Variants in DNAH1 observed in about 807,000 individuals in gnomAD.
DNAH1 encodes axonemal beta dynein heavy chain 1.
A neutral mutation model predicts 484.3 loss-of-function variants in DNAH1; 327 were observed. The ratio of observed to expected loss-of-function variants is 0.68; its 90% CI spans 0.62 to 0.74. DNAH1 has a LOEUF of 0.74. Among genes scored for constraint, DNAH1 ranks in the 30% least tolerant of loss-of-function variants. The pLI is 0.00. For synonymous variants in DNAH1, 2,192 were observed against 2,191.9 expected (o/e 1.00, Z 0.00); for missense variants, 5,052 against 5,546.8 (o/e 0.91, Z 2.83).
chr3:52,392,537 CTGAT>C lies in DNAH1; in HGVS notation c.10128_10131del (p.Ile3377SerfsTer10). 1 of 1,613,978 alleles carries C rather than the reference CTGAT, an allele frequency of 6.2e-7. No individual in the cohort carries two copies. Among genetic ancestry groups the C allele is most frequent in the Non-Finnish European group, 8.5e-7 (1 of 1,179,880 alleles). On this transcript the variant is annotated frameshift_variant, in exon 64 of 78. Transcript: ENST00000420323. LOFTEE classifies it high-confidence loss of function. ...CGACCTGGAGGAGGCCAAGAACCAG[CTGAT>C]TATCAGTAATGCCAAGATGCGCCAG...
At chr3:52,389,838 G>A (rs577353437) in intron 60 of DNAH1, among the ~76,000 whole-genome samples, 7 of 152,358 alleles carry the variant, frequency 4.6e-5, no homozygotes, top group Admixed American at 1.3e-4. Flanking sequence ...TGGACCAGGC[G>A]TGGTGGCTCA....
At chr3:52,376,563 G>A (rs1703612424) in intron 46 of DNAH1, among the ~76,000 whole-genome samples, 2 of 152,134 alleles carry the variant, frequency 1.3e-5, no homozygotes, top group Non-Finnish European at 2.9e-5. Context: ...GCAAAGCCCA[G>A]CCTCCTCCTG....
intron 56 of DNAH1, among the ~76,000 whole-genome samples, chr3:52,387,181 C>T (rs1462562705): frequency 1.3e-5 from 2 of 152,334 alleles, no homozygotes; most frequent in African/African-American, 2.4e-5. Context: ...GTCTCCACAG[C>T]CTGGGGATTC....
intron 36 of DNAH1, 38 bp downstream of exon 36, chr3:52,366,925 C>T (rs760580937): frequency 3.8e-6 from 6 of 1,582,088 alleles, no homozygotes; most frequent in Non-Finnish European, 5.2e-6. Flanking sequence ...ACCCCCTGCT[C>T]CCAGACCTCT....
intron 46 of DNAH1, 126 bp from the exon 47 acceptor site, chr3:52,378,476 A>G: frequency 9.4e-7 from 1 of 1,067,456 alleles, no homozygotes; most frequent in Non-Finnish European, 1.4e-6. Context: ...GTGGAATCCA[A>G]GCCTGAAGGC....
chr3:52,356,085 G>C (rs2153224156), intron 21 of DNAH1, among the ~76,000 whole-genome samples: 1 of 152,320 alleles, frequency 6.6e-6, no homozygotes, highest in East Asian at 1.9e-4. Flanking sequence ...TGCGCTGATG[G>C]GAGAAGACAA....
At chr3:52,315,967 C>T (rs564788665), upstream of DNAH1, among the ~76,000 whole-genome samples, 8 of 152,318 alleles carry the variant, frequency 5.3e-5, no homozygotes, top group African/African-American at 1.9e-4. Flanking sequence ...CTGGTAAAAG[C>T]AGCACCCCCG....
At chr3:52,380,987 A>G (rs894406485) in intron 48 of DNAH1, among the ~76,000 whole-genome samples, 2 of 152,218 alleles carry the variant, frequency 1.3e-5, no homozygotes, top group African/African-American at 2.4e-5. Flanking sequence ...AGGGAGTCAT[A>G]TGAGTTATGG....
In DNAH1 at chr3:52,398,758, T is replaced by C. The variant is rs535222717; in HGVS notation, c.12090-92T>C. On this transcript the variant is annotated intron_variant, in intron 75 of 77. Transcript: ENST00000420323. ...TGCTCTTAGCCTCTATGTTTTGCCA[T>C]TGTTTTTCACTCTGTGGCCTTGAGC... 1.1e-5 allele frequency: 13 copies of C among 1,157,724 alleles called. No homozygotes were observed. In the African/African-American group the frequency reaches 1.9e-4, roughly 17 times the overall value. 71.7% of individuals were successfully genotyped at this position (1,157,724 alleles called of 1,614,324 possible).
chr3:52,346,887 T>A, intron 11 of DNAH1, 117 bp downstream of exon 11: 3 of 1,157,424 alleles, frequency 2.6e-6, no homozygotes, highest in Non-Finnish European at 3.6e-6. Context: ...TCCCAGGCAG[T>A]AAGGAGAGCC....
intron 6 of DNAH1, among the ~76,000 whole-genome samples, chr3:52,328,228 G>A (rs1418700367): frequency 6.6e-6 from 1 of 152,180 alleles, no homozygotes; most frequent in Non-Finnish European, 1.5e-5. Context: ...AGGGACAGCT[G>A]GATGGTGTCT....
intron 44 of DNAH1, chr3:52,374,067 T>A: frequency 9.8e-7 from 1 of 1,023,492 alleles, no homozygotes; most frequent in Non-Finnish European, 1.6e-6. Flanking sequence ...CTTTTAAAGC[T>A]CTTTGACAGT....
At chr3:52,391,737 A>T in intron 63 of DNAH1, 134 bp downstream of exon 63, 1 of 1,069,376 alleles carries the variant, frequency 9.4e-7, no homozygotes, top group Non-Finnish European at 1.4e-6. Flanking sequence ...CACCCCAGGC[A>T]CTCACATTCG....
At chr3:52,342,746 TA>T (rs1305466357) in intron 8 of DNAH1, among the ~76,000 whole-genome samples, 3 of 152,014 alleles carry the variant, frequency 2.0e-5, no homozygotes, top group Admixed American at 6.6e-5. Context: ...CTAGTGGGGA[TA>T]GGGGGCAAGC....
chr3:52,389,670 C>T, intron 60 of DNAH1, 84 bp downstream of exon 60: 1 of 1,255,994 alleles, frequency 8.0e-7, no homozygotes, highest in East Asian at 3.2e-5. Context: ...CTCCTTCCTA[C>T]CCTGCTTTCC....
rs1210478718 is a variant in DNAH1, at chr3:52,322,425, A to G, written c.-18A>G. On this transcript the variant is annotated 5_prime_UTR_variant, in exon 2 of 78. Transcript: ENST00000420323. ...TTCTCCTAGGAGCTTCGGCTGGGGC[A>G]TCTCCCTGAGAAGCAGCATGGAGCA... is the stretch of plus-strand genomic sequence containing the variant. 6.3e-6 allele frequency: 10 copies of G among 1,592,810 alleles called. No homozygotes were observed. The highest frequency in any genetic ancestry group is 7.7e-6 in the Non-Finnish European group (9 of 1,173,944).
At chr3:52,345,454 A>G in intron 9 of DNAH1, 41 bp from the exon 10 acceptor site, 1 of 1,532,124 alleles carries the variant, frequency 6.5e-7, no homozygotes, top group Non-Finnish European at 8.8e-7. Context: ...TGGTTTGGCC[A>G]GGCAGGGTCT....
intron 7 of DNAH1, 68 bp downstream of exon 7, chr3:52,331,377 A>G (rs753152874): frequency 3.9e-6 from 6 of 1,519,836 alleles, no homozygotes; most frequent in Non-Finnish European, 4.4e-6. Context: ...GACTGAGGCC[A>G]ACTCCGCCCA....
chr3:52,369,799 A>G, intron 37 of DNAH1, 26 bp from the exon 38 acceptor site: 1 of 1,582,258 alleles, frequency 6.3e-7, no homozygotes, highest in South Asian at 1.1e-5. Context: ...CAGCCAGCCC[A>G]CTCATTTGGT....
Sources: allele counts gnomAD v4.1 joint callset (sites outside exome capture counted in the v4.1 genomes callset), GRCh38; gene constraint gnomAD v4.1.1; transcripts MANE v1.5; gene names NCBI Gene and HGNC (gene_info 2026-07-23, HGNC 2026-07-21).